Variants in THOC7 observed in about 807,000 individuals in gnomAD.
THOC7 encodes NIF3L1-binding protein 1.
THOC7 carries 22 observed loss-of-function variants against 33.1 expected under a neutral mutation model. That is an observed-to-expected ratio of 0.66 (90% confidence interval 0.47 to 0.95). THOC7 has a LOEUF of 0.95. Among genes scored for constraint, THOC7 ranks in the 40% least tolerant of loss-of-function variants. The pLI is 0.00. For synonymous variants in THOC7, 77 were observed against 76.8 expected (o/e 1.00, Z -0.01); for missense variants, 184 against 245.3 (o/e 0.75, Z 1.67).
intron 1 of THOC7, chr3:63,860,841 C>T (rs1315019937): frequency 6.6e-6 from 1 of 152,122 alleles, no homozygotes; most frequent in African/African-American, 2.4e-5. Flanking sequence ...AGGGTGACAG[C>T]AGCAATATGC....
intron 1 of THOC7, chr3:63,863,107 T>C (rs1185272959): frequency 6.6e-6 from 1 of 152,586 alleles, no homozygotes; most frequent in African/African-American, 2.4e-5. Context: ...CATCCCTATC[T>C]ATTCCTTTTA....
chr3:63,850,585 CTTTTT>C (rs61611564), intron 1 of THOC7, among the ~76,000 whole-genome samples: 6 of 116,812 alleles, frequency 5.1e-5, no homozygotes, highest in Non-Finnish European at 1.0e-4. Context: ...TCTTTCTTTC[CTTTTT>C]TTTTTTTTTT....
intron 1 of THOC7, among the ~76,000 whole-genome samples, chr3:63,853,998 G>A (rs1002070235): frequency 2.0e-5 from 3 of 151,902 alleles, no homozygotes; most frequent in African/African-American, 4.8e-5. Context: ...ATATATCTAT[G>A]TAGATACATA....
chr3:63,840,370 T>C (rs1451768929), intron 1 of THOC7, among the ~76,000 whole-genome samples: 3 of 152,068 alleles, frequency 2.0e-5, no homozygotes, highest in Admixed American at 2.0e-4. Flanking sequence ...TAAGGGAGTA[T>C]CACTTGAGCC....
chr3:63,840,495 G>A (rs983972961), intron 1 of THOC7, among the ~76,000 whole-genome samples: 3 of 152,160 alleles, frequency 2.0e-5, no homozygotes, highest in Non-Finnish European at 4.4e-5. Flanking sequence ...GGAGGCTGAG[G>A]TAGGAGGATC....
At chr3:63,855,735 G>A (rs1702103212) in intron 1 of THOC7, among the ~76,000 whole-genome samples, 1 of 152,184 alleles carries the variant, frequency 6.6e-6, no homozygotes. Context: ...AGGCTAAATT[G>A]CAGGTCAAAT....
chr3:63,846,111 G>T, intron 1 of THOC7: 1 of 380,464 alleles, frequency 2.6e-6, no homozygotes, highest in African/African-American at 2.1e-5. Context: ...TACCAAGGAT[G>T]GTAAAACTGA....
At chr3:63,846,073 G>C (rs1206196959) in intron 1 of THOC7, 1 of 289,232 alleles carries the variant, frequency 3.5e-6, no homozygotes. Flanking sequence ...AAGAGCTAAT[G>C]AAAAGCTGGA....
At chr3:63,849,803 C>T (rs1458396668) in intron 1 of THOC7, among the ~76,000 whole-genome samples, 1 of 152,146 alleles carries the variant, frequency 6.6e-6, no homozygotes, top group Non-Finnish European at 1.5e-5. Flanking sequence ...GTAGACTAGA[C>T]TGGATTCTGA....
At chr3:63,856,038 T>C (rs550675124) in intron 1 of THOC7, among the ~76,000 whole-genome samples, 4 of 152,328 alleles carry the variant, frequency 2.6e-5, no homozygotes, top group Non-Finnish European at 4.4e-5. Context: ...TCTATGCAAA[T>C]ATCTCCATTG....
intron 1 of THOC7, chr3:63,863,546 C>T (rs1035077911): frequency 1.7e-6 from 2 of 1,194,570 alleles, no homozygotes; most frequent in Admixed American, 4.5e-5. Flanking sequence ...ACGGGGAAAG[C>T]CGAGGGTCTC....
At chr3:63,863,823 CGCAAGCTGA>C (rs1473888200), upstream of THOC7, 2 of 1,221,268 alleles carry the variant, frequency 1.6e-6, no homozygotes. Flanking sequence ...GCGGCGGCGG[CGCAAGCTGA>C]GGCGGCGGTT....
At chr3:63,859,479 C>T (rs915147256) in intron 1 of THOC7, among the ~76,000 whole-genome samples, 1 of 152,202 alleles carries the variant, frequency 6.6e-6, no homozygotes, top group East Asian at 1.9e-4. Context: ...GTTTTCACCT[C>T]GGGCCTTTGC....
chr3:63,857,379 T>C (rs1353482779), intron 1 of THOC7, among the ~76,000 whole-genome samples: 1 of 152,210 alleles, frequency 6.6e-6, no homozygotes, highest in African/African-American at 2.4e-5. Flanking sequence ...AGCTATGATA[T>C]GTTAACAACA....
chr3:63,847,513 G>C (rs1306844062), intron 1 of THOC7, among the ~76,000 whole-genome samples: 1 of 152,160 alleles, frequency 6.6e-6, no homozygotes, highest in Non-Finnish European at 1.5e-5. Flanking sequence ...AGAGGCGAGC[G>C]GATCACTTGA....
At chr3:63,856,636 G>GCA (rs1702121325) in intron 1 of THOC7, among the ~76,000 whole-genome samples, 1 of 152,052 alleles carries the variant, frequency 6.6e-6, no homozygotes, top group Non-Finnish European at 1.5e-5. Context: ...ATACTAGCCA[G>GCA]CAGATACGTA....
At chr3:63,851,655 T>C (rs1477451379) in intron 1 of THOC7, among the ~76,000 whole-genome samples, 1 of 152,218 alleles carries the variant, frequency 6.6e-6, no homozygotes. Context: ...AATAACCTCA[T>C]GTTAACTAAT....
In THOC7 at chr3:63,838,459, A is replaced by C; in HGVS notation, c.178T>G (p.Cys60Gly). 1.2e-6 allele frequency: 2 copies of C among 1,610,624 alleles called. No homozygotes were observed. Among genetic ancestry groups the C allele is most frequent in the Non-Finnish European group, 1.7e-6 (2 of 1,179,064 alleles). Reference protein sequence around the residue: ...YQRMLSTLSQCEFSMGKTLLV... With the variant: ...YQRMLSTLSQGEFSMGKTLLV... ...AAAGTTTTGCCCATTGAAAATTCAC[A>C]TTGAGACAGCGTGCTCAGCATACGT... The change falls in exon 3 of 8, where the codon TGT becomes GGT. Residue 60 changes from cysteine to glycine, a missense_variant. Transcript: ENST00000295899.
chr3:63,849,214 C>T (rs1701970542), intron 1 of THOC7, among the ~76,000 whole-genome samples: 1 of 152,160 alleles, frequency 6.6e-6, no homozygotes, highest in Non-Finnish European at 1.5e-5. Context: ...TGGTGAAACC[C>T]TGTCTCTACT....
Sources: gnomAD v4.1 joint callset for allele counts (sites outside exome capture counted in the v4.1 genomes callset) on GRCh38, gnomAD v4.1.1 for gene constraint, MANE v1.5 for transcripts, NCBI Gene and HGNC (gene_info 2026-07-23, HGNC 2026-07-21) for gene names.